The following CLEC16A variants were observed in gnomAD, a reference collection of about 807,000 sequenced individuals.
The protein encoded by CLEC16A is protein CLEC16A.
A neutral mutation model predicts 109.5 loss-of-function variants in CLEC16A; 51 were observed. The ratio of observed to expected loss-of-function variants is 0.47; its 90% CI spans 0.37 to 0.59. The LOEUF (loss-of-function observed/expected upper bound fraction) is 0.59. Among genes scored for constraint, CLEC16A ranks in the 20% least tolerant of loss-of-function variants. The pLI is 0.00. For missense variants in CLEC16A, 1,339 were observed against 1,394.0 expected (o/e 0.96, Z 0.63); for synonymous variants, 673 against 564.2 (o/e 1.19, Z -2.73).
At chr16:10,999,565 A>G (rs180854350) in intron 10 of CLEC16A, among the ~76,000 whole-genome samples, 5 of 152,290 alleles carry the variant, frequency 3.3e-5, no homozygotes. Flanking sequence ...AACAGATCAT[A>G]ATTACCTAAC....
At chr16:11,009,904 A>G (rs1244587536) in intron 11 of CLEC16A, among the ~76,000 whole-genome samples, 1 of 152,196 alleles carries the variant, frequency 6.6e-6, no homozygotes, top group Non-Finnish European at 1.5e-5. Context: ...CTGTAATCCC[A>G]GCACTTCGGG....
intron 13 of CLEC16A, among the ~76,000 whole-genome samples, chr16:11,033,018 G>A (rs1055513063): frequency 1.7e-4 from 26 of 152,134 alleles, no homozygotes; most frequent in Non-Finnish European, 1.9e-4. Flanking sequence ...AGGGAACACC[G>A]AGAGACTTGC....
chr16:11,014,279 ATCT>A (rs2045610164), intron 11 of CLEC16A, among the ~76,000 whole-genome samples: 1 of 152,192 alleles, frequency 6.6e-6, no homozygotes, highest in African/African-American at 2.4e-5. Flanking sequence ...CATTTCTCAG[ATCT>A]TCTTCATTCC....
At chr16:11,168,622 C>T (rs1442878677) in intron 23 of CLEC16A, among the ~76,000 whole-genome samples, 1 of 152,240 alleles carries the variant, frequency 6.6e-6, no homozygotes, top group Admixed American at 6.5e-5. Context: ...GGCAGGAGAG[C>T]TCATCAGAGC....
intron 13 of CLEC16A, among the ~76,000 whole-genome samples, chr16:11,034,610 C>G (rs953343279): frequency 4.6e-5 from 7 of 152,050 alleles, no homozygotes; most frequent in Non-Finnish European, 1.0e-4. Flanking sequence ...CAGGGGACAC[C>G]CGTTCTGAGT....
At chr16:10,949,167 C>T (rs974126837) in intron 1 of CLEC16A, among the ~76,000 whole-genome samples, 3 of 152,186 alleles carry the variant, frequency 2.0e-5, no homozygotes, top group East Asian at 3.9e-4. Context: ...GGTAGACAGA[C>T]GCACACCTAC....
At chr16:11,117,855 G>A (rs1036569551) in intron 19 of CLEC16A, among the ~76,000 whole-genome samples, 3 of 152,230 alleles carry the variant, frequency 2.0e-5, no homozygotes, top group Admixed American at 6.5e-5. Context: ...AACATAAGTG[G>A]CAGAGGATTG....
intron 13 of CLEC16A, among the ~76,000 whole-genome samples, chr16:11,038,505 G>T (rs372616247): frequency 1.3e-4 from 20 of 152,176 alleles, no homozygotes; most frequent in African/African-American, 4.8e-4. Flanking sequence ...TGTTCTAGTA[G>T]CCCTAACAGG....
intron 19 of CLEC16A, among the ~76,000 whole-genome samples, chr16:11,107,977 T>C (rs2051327015): frequency 6.6e-6 from 1 of 152,210 alleles, no homozygotes; most frequent in South Asian, 2.1e-4. Flanking sequence ...TGCAGTATGG[T>C]GGCCAAGGCC....
At chr16:11,173,340 C>T (rs952784952) in intron 23 of CLEC16A, among the ~76,000 whole-genome samples, 1 of 152,164 alleles carries the variant, frequency 6.6e-6, no homozygotes, top group East Asian at 1.9e-4. Flanking sequence ...TATGGCGTCA[C>T]ATTCAAGCTG....
intron 10 of CLEC16A, among the ~76,000 whole-genome samples, chr16:10,983,798 G>A (rs1048041892): frequency 2.0e-5 from 3 of 151,956 alleles, no homozygotes; most frequent in Non-Finnish European, 2.9e-5. Context: ...TTGAACCTGC[G>A]CCTTTACCGT....
intron 19 of CLEC16A, among the ~76,000 whole-genome samples, chr16:11,067,581 G>A (rs187078947): frequency 4.5e-4 from 69 of 152,248 alleles, no homozygotes; most frequent in African/African-American, 1.5e-3. Context: ...AGGCCCTGTG[G>A]GCATATCAAG....
intron 18 of CLEC16A, among the ~76,000 whole-genome samples, chr16:11,055,783 C>T (rs145528440): frequency 6.6e-6 from 1 of 151,366 alleles, no homozygotes; most frequent in Non-Finnish European, 1.5e-5. Context: ...ACTGGGTTTC[C>T]CCAGTCTGTT....
intron 3 of CLEC16A, among the ~76,000 whole-genome samples, chr16:10,964,475 A>T (rs571297324): frequency 2.0e-5 from 3 of 152,338 alleles, no homozygotes; most frequent in Non-Finnish European, 4.4e-5. Flanking sequence ...CTGTTTGTGC[A>T]TCTGTCAAGA....
rs769190716 is a variant in CLEC16A at position 11,139,679 on chromosome 16, T to C, written c.2641+13533T>C. 3.5e-4 allele frequency among the ~76,000 whole-genome samples: 53 copies of C among 152,310 alleles called. 1 individual carries two copies. The highest frequency in any genetic ancestry group is 3.1e-4 in the African/African-American group (13 of 41,562). Reference sequence around the variant, plus strand: ...AGTCCTTGAAAGTCGCCGCCTCAGTTTCCATGTTGAGGGTGAGAAATTCAC... The same window carrying C: ...AGTCCTTGAAAGTCGCCGCCTCAGTCTCCATGTTGAGGGTGAGAAATTCAC... On this transcript the variant is annotated intron_variant, in intron 22 of 23. Transcript: ENST00000409790.
At chr16:11,167,326 G>A (rs77309215) in intron 23 of CLEC16A, among the ~76,000 whole-genome samples, 1 of 152,074 alleles carries the variant, frequency 6.6e-6, no homozygotes, top group African/African-American at 2.4e-5. Flanking sequence ...GGGTCGGGGG[G>A]TCACACCAAC....
intron 19 of CLEC16A, among the ~76,000 whole-genome samples, chr16:11,072,818 G>A (rs1198370824): frequency 1.3e-5 from 2 of 152,214 alleles, no homozygotes; most frequent in Non-Finnish European, 2.9e-5. Context: ...GTTCTCTTTG[G>A]AGGGTTCTTT....
chr16:11,023,249 C>T (rs764458875), intron 12 of CLEC16A, among the ~76,000 whole-genome samples: 19 of 151,838 alleles, frequency 1.3e-4, no homozygotes, highest in African/African-American at 3.9e-4. Flanking sequence ...TTCTACCCTG[C>T]GTAAACAAAA....
chr16:11,030,441 A>C (rs1038153697), intron 13 of CLEC16A, among the ~76,000 whole-genome samples: 1 of 152,138 alleles, frequency 6.6e-6, no homozygotes, highest in African/African-American at 2.4e-5. Flanking sequence ...TGGTGTGGCC[A>C]CCTTTTTAGT....
Sources: allele counts gnomAD v4.1 joint callset (sites outside exome capture counted in the v4.1 genomes callset), GRCh38; gene constraint gnomAD v4.1.1; transcripts MANE v1.5; gene names NCBI Gene and HGNC (gene_info 2026-07-23, HGNC 2026-07-21).